ITIH5: variants seen among roughly 807,000 people sequenced by gnomAD.
ITIH5 encodes inter-alpha-trypsin inhibitor heavy chain 5.
Under a neutral mutation model 77.5 loss-of-function variants are expected in ITIH5, and 65 were observed. That is an observed-to-expected ratio of 0.84 (90% CI 0.69 to 1.03). ITIH5 has a LOEUF of 1.03. Ranked by LOEUF, ITIH5 falls within the 50% of genes least tolerant of loss-of-function variation. ITIH5 has a pLI of 0.00. For synonymous variants in ITIH5, 525 were observed against 494.3 expected, an observed-to-expected ratio of 1.06 and a Z score of -0.82; for missense variants, 1,208 against 1,213.1, an observed-to-expected ratio of 1.00 and a Z score of 0.06.
chr10:7,576,571 G>A lies in ITIH5; in HGVS notation c.1860C>T (p.Ser620=). 10 of 1,613,946 alleles carry A rather than the reference G, an allele frequency of 6.2e-6. No homozygotes were observed. Among genetic ancestry groups the A allele is most frequent in the Non-Finnish European group, 8.5e-6 (10 of 1,180,030 alleles). Residue 620 remains serine, a synonymous_variant, in exon 10 of 14, where the codon TCC becomes TCT. Transcript: ENST00000397146. ...GTGGGACCGGCCCCCTCAGCTTCAT[G>A]GAGGTGAAGGGAGTGAGGAAGCGGT... ...VSYRFLTPFT[S]MKLRGPVPRM...
intron 2 of ITIH5, among the ~76,000 whole-genome samples, chr10:7,649,472 T>A (rs1268901643): frequency 6.6e-6 from 1 of 151,928 alleles, no homozygotes; most frequent in Non-Finnish European, 1.5e-5. Context: ...TCTAAAGAGA[T>A]AGGGGATATA....
At chr10:7,624,768 A>G (rs1218702401) in intron 5 of ITIH5, among the ~76,000 whole-genome samples, 5 of 61,200 alleles carry the variant, frequency 8.2e-5, no homozygotes, top group Non-Finnish European at 1.6e-4. Context: ...CCTGGGCGAT[A>G]GAGTGAGACT....
At chr10:7,619,479 A>G (rs375748139) in intron 5 of ITIH5, 371 of 170,778 alleles carry the variant, frequency 2.2e-3, no homozygotes, top group African/African-American at 8.1e-3. Context: ...GTCAGCAGTC[A>G]TGCTAGCTTA....
intron 2 of ITIH5, 104 bp from the exon 3 acceptor site, chr10:7,642,194 G>T: frequency 1.1e-6 from 1 of 878,952 alleles, no homozygotes; most frequent in Non-Finnish European, 1.7e-6. Context: ...TCTTCAGTTT[G>T]GGAGCCTTTG....
chr10:7,605,062 T>A (rs914913490), intron 7 of ITIH5, among the ~76,000 whole-genome samples: 1 of 152,090 alleles, frequency 6.6e-6, no homozygotes, highest in Non-Finnish European at 1.5e-5. Flanking sequence ...CCTCAGATGA[T>A]CTGCCCCTCT....
At chr10:7,566,826 GGAAGAGGAAGAGGAAGAGGAAGAAGAA>G (rs1564232586) in intron 12 of ITIH5, among the ~76,000 whole-genome samples, 161 of 60,516 alleles carry the variant, frequency 2.7e-3, no homozygotes, top group Non-Finnish European at 3.4e-3. Flanking sequence ...AAGAGGAAGA[GGAAGAGGAAGAGGAAGAGGAAGAAGAA>G]GAAGAAGAAG....
chr10:7,650,346 G>C (rs376229925), intron 2 of ITIH5, among the ~76,000 whole-genome samples: 9 of 152,232 alleles, frequency 5.9e-5, no homozygotes, highest in African/African-American at 2.2e-4. Flanking sequence ...ATCTAACTCT[G>C]CTCCCCTTTG....
chr10:7,606,523 A>G (rs1001998707), intron 7 of ITIH5, among the ~76,000 whole-genome samples: 3 of 152,180 alleles, frequency 2.0e-5, no homozygotes, highest in African/African-American at 7.2e-5. Context: ...AATACTGTAT[A>G]CCCTCACTTA....
rs71383924 is a variant in ITIH5 at position 7,597,044 on chromosome 10, C to CAAAAAAAAAA, written c.940-10985_940-10976dup. On this transcript the variant is annotated intron_variant, in intron 7 of 13. Coordinates refer to ENST00000397146, the MANE Select transcript of ITIH5 (RefSeq NM_030569.7). ...CTGGGTGCAGAGTGAGTCTCCAACTCAAAAAAAAAAAAAAAAAAAATTCCA... is the reference window on the plus strand; with the variant it reads ...CTGGGTGCAGAGTGAGTCTCCAACTCAAAAAAAAAAAAAAAAAAAAAAAAAAAAAATTCCA... Among the ~76,000 whole-genome samples, 13 of 36,920 alleles carry CAAAAAAAAAA rather than the reference C, an allele frequency of 3.5e-4. 1 individual carries two copies. Among genetic ancestry groups the CAAAAAAAAAA allele is most frequent in the Non-Finnish European group, 4.4e-4 (7 of 15,942 alleles). The allele number at this position is 36,920 out of a possible 152,430, so 24.2% of individuals were successfully genotyped here. A position where few individuals can be genotyped will look rare whatever the true frequency, so the allele number is the denominator to read the frequency against.
chr10:7,610,512 A>C (rs1446338869), intron 7 of ITIH5, among the ~76,000 whole-genome samples: 1 of 152,202 alleles, frequency 6.6e-6, no homozygotes, highest in Non-Finnish European at 1.5e-5. Flanking sequence ...GTCAAAGACG[A>C]GGGGAGCCAA....
At chr10:7,638,209 G>A (rs915094748) in intron 4 of ITIH5, among the ~76,000 whole-genome samples, 2 of 152,214 alleles carry the variant, frequency 1.3e-5, no homozygotes, top group Admixed American at 1.3e-4. Context: ...TGCAGGCTCT[G>A]AATTCAGGAC....
intron 5 of ITIH5, chr10:7,618,157 C>T (rs1450964375): frequency 1.3e-5 from 2 of 152,002 alleles, no homozygotes; most frequent in Non-Finnish European, 2.9e-5. Flanking sequence ...TTTGTAGAGA[C>T]AGGGTCTTGC....
At chr10:7,650,205 C>T (rs1439353584) in intron 2 of ITIH5, among the ~76,000 whole-genome samples, 3 of 152,222 alleles carry the variant, frequency 2.0e-5, no homozygotes, top group Non-Finnish European at 2.9e-5. Flanking sequence ...ATGGTTGGGA[C>T]GGCCTTTGCC....
At chr10:7,615,894 T>C in intron 7 of ITIH5, 88 bp downstream of exon 7, 1 of 801,246 alleles carries the variant, frequency 1.2e-6, no homozygotes, top group Non-Finnish European at 2.2e-6. Context: ...AGCTGACGTT[T>C]GGCATCTACC....
At chr10:7,593,226 C>A (rs113383516) in intron 7 of ITIH5, among the ~76,000 whole-genome samples, 12 of 152,112 alleles carry the variant, frequency 7.9e-5, no homozygotes, top group Non-Finnish European at 1.5e-4. Flanking sequence ...CTTGTCCTTG[C>A]GTGCACCAGG....
rs533973720 is a variant in ITIH5, at chr10:7,565,856, CTATATA to C, written c.2527+168_2527+173del. Among the ~76,000 whole-genome samples the C allele has an allele frequency of 1.5e-4, 22 of 150,476 alleles. No individual in the cohort carries two copies. The South Asian group carries it at 3.8e-3, about 26-fold the overall frequency. ...TTATGTATATGTATATATGTATAGA[CTATATA>C]TATGTACACACACACATACATACAT... On this transcript the variant is annotated intron_variant, in intron 13 of 13. Transcript: ENST00000397146.
At chr10:7,592,819 C>A (rs527503194) in intron 7 of ITIH5, among the ~76,000 whole-genome samples, 1 of 152,228 alleles carries the variant, frequency 6.6e-6, no homozygotes, top group Admixed American at 6.5e-5. Context: ...TCCAGGTGTC[C>A]CCACCCAGGA....
chr10:7,633,617 C>A (rs565453538), intron 5 of ITIH5, among the ~76,000 whole-genome samples: 1 of 152,050 alleles, frequency 6.6e-6, no homozygotes, highest in East Asian at 1.9e-4. Flanking sequence ...TATTACTGAA[C>A]CTCTGTTTTA....
chr10:7,611,177 C>T (rs1588397556), intron 7 of ITIH5, among the ~76,000 whole-genome samples: 2 of 152,356 alleles, frequency 1.3e-5, no homozygotes, highest in South Asian at 4.1e-4. Flanking sequence ...AGGCTGCCAC[C>T]ACCATTTATT....
Sources: allele counts gnomAD v4.1 joint callset (sites outside exome capture counted in the v4.1 genomes callset), GRCh38; gene constraint gnomAD v4.1.1; transcripts MANE v1.5; gene names NCBI Gene and HGNC (gene_info 2026-07-23, HGNC 2026-07-21).